Variants in PLCB4 observed in about 807,000 individuals in gnomAD.
The protein encoded by PLCB4 is phospholipase C beta 4, also known as 1-phosphatidylinositol 4,5-bisphosphate phosphodiesterase beta-4.
PLCB4 carries 77 observed loss-of-function variants against 178.8 expected under a neutral mutation model. That is an observed-to-expected ratio of 0.43 (90% CI 0.36 to 0.52). The LOEUF (loss-of-function observed/expected upper bound fraction) is 0.52, where lower values mean the gene tolerates loss of function less well. PLCB4 is among the 20% of genes least tolerant of loss of function. The pLI is 0.00. For missense variants in PLCB4, 1,024 were observed against 1,453.4 expected, an observed-to-expected ratio of 0.70 and a Z score of 4.80; for synonymous variants, 496 against 490.8, an observed-to-expected ratio of 1.01 and a Z score of -0.14.
chr20:9,468,733 T>C, intron 36 of PLCB4, 61 bp downstream of exon 36: 1 of 958,902 alleles, frequency 1.0e-6, no homozygotes, highest in South Asian at 1.3e-5. Context: ...AGTCTCAACT[T>C]TCTTTATGTG....
chr20:9,198,977 A>G (rs953671719), intron 2 of PLCB4, among the ~76,000 whole-genome samples: 3 of 152,176 alleles, frequency 2.0e-5, no homozygotes, highest in African/African-American at 7.2e-5. Flanking sequence ...GTTGAGAGGG[A>G]TATCACATGG....
intron 4 of PLCB4, among the ~76,000 whole-genome samples, chr20:9,334,197 T>C (rs920187397): frequency 6.6e-6 from 1 of 152,006 alleles, no homozygotes; most frequent in Admixed American, 6.6e-5. Flanking sequence ...ACAACCAGGA[T>C]TGGAGAGTGT....
At chr20:9,194,351 AT>A (rs574671874) in intron 2 of PLCB4, among the ~76,000 whole-genome samples, 4 of 151,248 alleles carry the variant, frequency 2.6e-5, no homozygotes, top group East Asian at 1.9e-4. Flanking sequence ...TTTTAGCTAC[AT>A]TTTTTTTTCC....
chr20:9,145,712 G>A (rs1039258853), intron 2 of PLCB4, among the ~76,000 whole-genome samples: 50 of 151,924 alleles, frequency 3.3e-4, no homozygotes, highest in African/African-American at 1.2e-3. Context: ...AATATTCATT[G>A]ATCATCTGTG....
At chr20:9,142,474 A>G (rs1484560265) in intron 2 of PLCB4, among the ~76,000 whole-genome samples, 1 of 152,158 alleles carries the variant, frequency 6.6e-6, no homozygotes, top group Admixed American at 6.5e-5. Flanking sequence ...AAATGAGTGC[A>G]TCATTAGATG....
intron 32 of PLCB4, among the ~76,000 whole-genome samples, chr20:9,444,524 G>A (rs2042294153): frequency 6.6e-6 from 1 of 152,094 alleles, no homozygotes; most frequent in African/African-American, 2.4e-5. Flanking sequence ...CAGCACTTTG[G>A]GAGGCCAAGG....
intron 2 of PLCB4, among the ~76,000 whole-genome samples, chr20:9,204,990 G>A (rs919390565): frequency 6.6e-6 from 1 of 151,940 alleles, no homozygotes; most frequent in East Asian, 1.9e-4. Flanking sequence ...TATGTATACT[G>A]AGTTAAATAA....
At chr20:9,167,082 GT>G (rs1437574324) in intron 2 of PLCB4, among the ~76,000 whole-genome samples, 1 of 152,088 alleles carries the variant, frequency 6.6e-6, no homozygotes, top group Non-Finnish European at 1.5e-5. Flanking sequence ...CTCGAATAGA[GT>G]TTTCCATAAG....
intron 14 of PLCB4, among the ~76,000 whole-genome samples, chr20:9,384,955 G>A (rs2037457471): frequency 1.3e-5 from 2 of 152,120 alleles, no homozygotes; most frequent in Non-Finnish European, 1.5e-5. Context: ...GGTCCCTGCC[G>A]CCTTCGGCAG....
intron 2 of PLCB4, among the ~76,000 whole-genome samples, chr20:9,190,493 A>G (rs1364336875): frequency 6.6e-6 from 1 of 152,164 alleles, no homozygotes; most frequent in Non-Finnish European, 1.5e-5. Context: ...CTGTAAGTCA[A>G]TTTGTAAACC....
chr20:9,124,470 C>T (rs2092058729), intron 2 of PLCB4, among the ~76,000 whole-genome samples: 1 of 152,148 alleles, frequency 6.6e-6, no homozygotes, highest in Admixed American at 6.5e-5. Flanking sequence ...ACGTTCCAGC[C>T]TGCGTGACAG....
chr20:9,340,357 T>G (rs2033040543), intron 7 of PLCB4, among the ~76,000 whole-genome samples: 1 of 152,136 alleles, frequency 6.6e-6, no homozygotes, highest in South Asian at 2.1e-4. Context: ...TTGTTACACA[T>G]TTGAGTCTCA....
intron 2 of PLCB4, among the ~76,000 whole-genome samples, chr20:9,148,570 C>G (rs769145043): frequency 4.6e-5 from 7 of 152,094 alleles, no homozygotes; most frequent in Non-Finnish European, 8.8e-5. Context: ...GGGAAGTCAA[C>G]AGAGGACTTC....
intron 1 of PLCB4, among the ~76,000 whole-genome samples, chr20:9,074,258 G>C (rs718375): frequency 0.6 from 91,933 of 151,998 alleles, 28,080 homozygotes; most frequent in South Asian, 0.72. Flanking sequence ...AATGATACAG[G>C]GTACTGTTAC....
At chr20:9,295,158 T>C (rs2094619580) in intron 3 of PLCB4, among the ~76,000 whole-genome samples, 1 of 152,150 alleles carries the variant, frequency 6.6e-6, no homozygotes, top group Admixed American at 6.6e-5. Context: ...ACTTAATTTG[T>C]GCATGTTTCC....
intron 3 of PLCB4, among the ~76,000 whole-genome samples, chr20:9,299,121 G>A (rs1374092082): frequency 1.3e-5 from 2 of 151,964 alleles, no homozygotes; most frequent in African/African-American, 4.8e-5. Context: ...GGCTCCCATT[G>A]TACAGGGAAG....
In PLCB4 at chr20:9,329,055, T is replaced by C. The variant is rs541515640; in HGVS notation, c.85-8071T>C. Among the ~76,000 whole-genome samples the C allele has an allele frequency of 4.6e-5, 7 of 152,348 alleles. No individual in the cohort carries two copies. The South Asian group carries it at 1.4e-3, about 32-fold the overall frequency. On this transcript the variant is annotated intron_variant, in intron 4 of 39. Transcript: ENST00000378473. ...TGGCCACTCCACCCTAATCTTTTAT[T>C]ATGCAGATGGTTATTCTAGCTGGCT...
At chr20:9,139,834 C>A (rs554006937) in intron 2 of PLCB4, among the ~76,000 whole-genome samples, 8 of 152,156 alleles carry the variant, frequency 5.3e-5, no homozygotes, top group African/African-American at 1.9e-4. Context: ...TTCAAATGCT[C>A]CCAAGGGACA....
At chr20:9,412,377 G>C (rs2039919760) in intron 25 of PLCB4, among the ~76,000 whole-genome samples, 1 of 152,088 alleles carries the variant, frequency 6.6e-6, no homozygotes, top group Admixed American at 6.5e-5. Context: ...GCTCCCAGCT[G>C]CTCCTAGTTC....
Sources: allele counts gnomAD v4.1 joint callset (sites outside exome capture counted in the v4.1 genomes callset), GRCh38; gene constraint gnomAD v4.1.1; transcripts MANE v1.5; gene names NCBI Gene and HGNC (gene_info 2026-07-23, HGNC 2026-07-21).